The following ANK3 variants were observed in gnomAD, a reference collection of about 807,000 sequenced individuals.
The protein encoded by ANK3 is ankyrin 3.
A neutral mutation model predicts 370.9 loss-of-function variants in ANK3; 57 were observed. The ratio of observed to expected loss-of-function variants is 0.15; its 90% CI spans 0.12 to 0.19. ANK3 has a LOEUF of 0.19. ANK3 is among the 10% of genes least tolerant of loss of function. ANK3 has a pLI of 1.00. For missense variants in ANK3, 4,439 were observed against 5,302.1 expected, an observed-to-expected ratio of 0.84 and a Z score of 5.06; for synonymous variants, 1,929 against 1,946.3, an observed-to-expected ratio of 0.99 and a Z score of 0.23.
At chr10:60,145,993 G>T in intron 23 of ANK3, 1 of 1,084,350 alleles carries the variant, frequency 9.2e-7, no homozygotes, top group Non-Finnish European at 1.4e-6. Flanking sequence ...CTTGTACCTT[G>T]GGAATTTTGT....
At chr10:60,323,253 G>A (rs79359552) in intron 1 of ANK3, among the ~76,000 whole-genome samples, 1 of 152,284 alleles carries the variant, frequency 6.6e-6, no homozygotes, top group African/African-American at 2.4e-5. Context: ...GAGCATAGAA[G>A]TCCCTGAGAA....
intron 2 of ANK3, among the ~76,000 whole-genome samples, chr10:60,522,809 C>T (rs2393643): frequency 0.68 from 104,031 of 151,886 alleles, 36,030 homozygotes; most frequent in South Asian, 0.88. Flanking sequence ...TTTCAAAGAT[C>T]TTATTGAAAT....
intron 2 of ANK3, among the ~76,000 whole-genome samples, chr10:60,590,363 G>C (rs1240354718): frequency 6.6e-6 from 1 of 152,078 alleles, no homozygotes; most frequent in Non-Finnish European, 1.5e-5. Flanking sequence ...ATAATATTTT[G>C]AGTATATTAG....
At chr10:60,427,981 C>T (rs2063927462) in intron 2 of ANK3, among the ~76,000 whole-genome samples, 1 of 152,152 alleles carries the variant, frequency 6.6e-6, no homozygotes, top group African/African-American at 2.4e-5. Context: ...GAGGAAGAGG[C>T]TGGCATGCAC....
chr10:60,152,291 G>T (rs1351828339), intron 23 of ANK3, among the ~76,000 whole-genome samples: 1 of 152,152 alleles, frequency 6.6e-6, no homozygotes, highest in Non-Finnish European at 1.5e-5. Flanking sequence ...AGCTTTATTA[G>T]TATCACACAA....
rs375424939 is a variant in ANK3, at chr10:60,181,323, G to A, written c.2184+6C>T. 14 of 1,613,102 alleles carry A rather than the reference G, an allele frequency of 8.7e-6. No individual in the cohort carries two copies. Among genetic ancestry groups the A allele is most frequent in the East Asian group, 2.2e-5 (1 of 44,890 alleles). On this transcript the variant is annotated splice_donor_region_variant and intron_variant, in intron 18 of 43. Coordinates refer to ENST00000280772, the MANE Select transcript of ANK3 (RefSeq NM_020987.5). ...CTTTTCCGTGTGGCAAGGGAGGGCC[G>A]TATACCTTTGTCTGGGCGTCCACAT...
chr10:60,519,223 G>T (rs1044590999), intron 2 of ANK3, among the ~76,000 whole-genome samples: 2 of 152,138 alleles, frequency 1.3e-5, no homozygotes, highest in African/African-American at 4.8e-5. Context: ...CAAAGAGGCT[G>T]AGAAAGTTGC....
At chr10:60,227,902 C>T (rs1359699413) in intron 8 of ANK3, among the ~76,000 whole-genome samples, 4 of 152,100 alleles carry the variant, frequency 2.6e-5, no homozygotes, top group Non-Finnish European at 2.9e-5. Flanking sequence ...TTTTGACTGT[C>T]GGTCATATTT....
chr10:60,502,107 T>C (rs995431482), intron 2 of ANK3, among the ~76,000 whole-genome samples: 2 of 152,206 alleles, frequency 1.3e-5, no homozygotes, highest in African/African-American at 4.8e-5. Context: ...TGACCAGAAC[T>C]TCTGACCAGC....
At chr10:60,549,373 ATTAAC>A (rs2077041115) in intron 2 of ANK3, among the ~76,000 whole-genome samples, 1 of 152,314 alleles carries the variant, frequency 6.6e-6, no homozygotes, top group Non-Finnish European at 1.5e-5. Context: ...TGTTCTTGCT[ATTAAC>A]TTACTGCAGT....
rs185649680 is a variant in ANK3, at chr10:60,346,235, G to A, written c.114+43190C>T. Among the ~76,000 whole-genome samples the A allele has an allele frequency of 1.5e-3, 222 of 151,978 alleles. 1 individual carries two copies. Among genetic ancestry groups the A allele is most frequent in the African/African-American group, 5.1e-3 (212 of 41,424 alleles). ...AGGAGAAAAATGCAAAAGCCACAGGGAATGTATAATTTATACTTTTGTGTA... is the reference window on the plus strand; with the variant it reads ...AGGAGAAAAATGCAAAAGCCACAGGAAATGTATAATTTATACTTTTGTGTA... On this transcript the variant is annotated intron_variant, in intron 1 of 43. Coordinates refer to ENST00000280772, the MANE Select transcript of ANK3 (RefSeq NM_020987.5).
At chr10:60,248,582 A>G (rs1415096393) in intron 7 of ANK3, among the ~76,000 whole-genome samples, 1 of 152,210 alleles carries the variant, frequency 6.6e-6, no homozygotes, top group Non-Finnish European at 1.5e-5. Flanking sequence ...TTGACATGAG[A>G]ACAAACATAA....
intron 2 of ANK3, among the ~76,000 whole-genome samples, chr10:60,505,865 G>T (rs965402694): frequency 6.6e-6 from 1 of 151,916 alleles, no homozygotes; most frequent in African/African-American, 2.4e-5. Flanking sequence ...AATATATTGC[G>T]ATCTCAAGCA....
At chr10:60,161,286 A>T (rs1389774337) in intron 23 of ANK3, among the ~76,000 whole-genome samples, 2 of 152,150 alleles carry the variant, frequency 1.3e-5, no homozygotes, top group Non-Finnish European at 2.9e-5. Flanking sequence ...ATGGGGTAGA[A>T]ATGTAAATTA....
chr10:60,536,183 C>T (rs1048725321), intron 2 of ANK3, among the ~76,000 whole-genome samples: 3 of 152,040 alleles, frequency 2.0e-5, no homozygotes, highest in Admixed American at 6.6e-5. Context: ...TCTTATCAAA[C>T]CCATTATAAA....
chr10:60,597,043 T>G (rs775207220), intron 2 of ANK3, among the ~76,000 whole-genome samples: 2 of 152,208 alleles, frequency 1.3e-5, no homozygotes, highest in Non-Finnish European at 2.9e-5. Context: ...ATTTAAAAAA[T>G]GCAGTTATTT....
chr10:60,206,364 T>G (rs1434896718), intron 10 of ANK3, among the ~76,000 whole-genome samples: 1 of 152,136 alleles, frequency 6.6e-6, no homozygotes, highest in Non-Finnish European at 1.5e-5. Flanking sequence ...TCCCAGCTAC[T>G]TGGGAGGCTG....
intron 1 of ANK3, among the ~76,000 whole-genome samples, chr10:60,692,631 A>G (rs1359624258): frequency 6.6e-6 from 1 of 152,196 alleles, no homozygotes; most frequent in East Asian, 1.9e-4. Context: ...TATAACAACC[A>G]CTGGGACTCC....
chr10:60,651,798 G>C (rs982304474), intron 1 of ANK3, among the ~76,000 whole-genome samples: 1 of 152,026 alleles, frequency 6.6e-6, no homozygotes, highest in African/African-American at 2.4e-5. Context: ...CAGCATATAG[G>C]AAGCACTATA....
Sources: allele counts gnomAD v4.1 joint callset (sites outside exome capture counted in the v4.1 genomes callset), GRCh38; gene constraint gnomAD v4.1.1; transcripts MANE v1.5; gene names NCBI Gene and HGNC (gene_info 2026-07-23, HGNC 2026-07-21).